Variants in CNTN5 observed in about 807,000 individuals in gnomAD.
The protein encoded by CNTN5 is contactin 5, also known as contactin-5.
A neutral mutation model predicts 129.1 loss-of-function variants in CNTN5; 77 were observed. That is an observed-to-expected ratio of 0.60 (90% CI 0.50 to 0.72). CNTN5 has a LOEUF of 0.72. Among genes scored for constraint, CNTN5 ranks in the 30% least tolerant of loss-of-function variants. The pLI is 0.00. For synonymous variants in CNTN5, 509 were observed against 465.6 expected (o/e 1.09, Z -1.20); for missense variants, 1,478 against 1,328.8 (o/e 1.11, Z -1.75).
chr11:99,435,440 C>A (rs989868809), intron 2 of CNTN5, among the ~76,000 whole-genome samples: 5 of 152,264 alleles, frequency 3.3e-5, no homozygotes, highest in South Asian at 2.1e-4. Context: ...GGGTTCTACA[C>A]ACTAGCAGTG....
At chr11:100,185,091 C>G (rs1948258340) in intron 13 of CNTN5, among the ~76,000 whole-genome samples, 1 of 152,152 alleles carries the variant, frequency 6.6e-6, no homozygotes, top group Non-Finnish European at 1.5e-5. Context: ...CCTCCCCATT[C>G]ATGAAGACTG....
intron 3 of CNTN5, among the ~76,000 whole-genome samples, chr11:99,649,555 C>G (rs1222501070): frequency 1.3e-5 from 2 of 151,626 alleles, no homozygotes; most frequent in African/African-American, 2.4e-5. Flanking sequence ...TTTTTGGTGA[C>G]CTGCAGAACT....
intron 3 of CNTN5, among the ~76,000 whole-genome samples, chr11:99,635,892 A>G (rs1392109029): frequency 1.3e-5 from 2 of 152,170 alleles, no homozygotes; most frequent in East Asian, 1.9e-4. Flanking sequence ...CAAGTGGTGC[A>G]CTAAACCAGT....
rs138198481 is a variant in CNTN5, at chr11:99,633,957, C to T, written c.55+77688C>T. Among the ~76,000 whole-genome samples the T allele has an allele frequency of 3.1e-3, 467 of 152,192 alleles. 1 individual carries two copies. Among genetic ancestry groups the T allele is most frequent in the African/African-American group, 0.011 (455 of 41,542 alleles). On this transcript the variant is annotated intron_variant, in intron 3 of 24. Transcript: ENST00000524871. The stretch of plus-strand genomic sequence containing the variant: ...GGCTGCAGATCAGGTCGAAGAGAAA[C>T]GTGAGGTCCAGATACAGCAAAAGTT...
intron 13 of CNTN5, among the ~76,000 whole-genome samples, chr11:100,159,200 T>C (rs1947356420): frequency 6.6e-6 from 1 of 151,514 alleles, no homozygotes; most frequent in South Asian, 2.1e-4. Context: ...AGATTTGTCT[T>C]GTGAAAAAAA....
At chr11:99,041,215 G>A (rs1230653998) in intron 1 of CNTN5, among the ~76,000 whole-genome samples, 1 of 151,962 alleles carries the variant, frequency 6.6e-6, no homozygotes, top group South Asian at 2.1e-4. Flanking sequence ...ATTTATTTGT[G>A]CAAACACTTT....
intron 13 of CNTN5, among the ~76,000 whole-genome samples, chr11:100,152,881 C>G (rs1947115674): frequency 6.6e-6 from 1 of 151,980 alleles, no homozygotes; most frequent in Non-Finnish European, 1.5e-5. Flanking sequence ...TGCCAACAAT[C>G]AGACAGAGCT....
chr11:99,874,966 T>A (rs953676416), intron 6 of CNTN5, among the ~76,000 whole-genome samples: 3 of 152,172 alleles, frequency 2.0e-5, no homozygotes, highest in African/African-American at 7.2e-5. Context: ...AAGTTAAAAT[T>A]CATCATTTCT....
intron 16 of CNTN5, among the ~76,000 whole-genome samples, chr11:100,234,182 T>G (rs1055879199): frequency 4.6e-5 from 7 of 152,062 alleles, no homozygotes; most frequent in Admixed American, 3.9e-4. Flanking sequence ...AGGGACACTT[T>G]TACACTGTTG....
At position 99,615,826 on chromosome 11, in the gene CNTN5, A is replaced by G. The variant is rs1950743830; in HGVS notation, c.55+59557A>G. Among the ~76,000 whole-genome samples the G allele has an allele frequency of 2.0e-5, 3 of 151,438 alleles. No individual in the cohort carries two copies. In the South Asian group the frequency reaches 6.3e-4, roughly 32 times the overall value. On this transcript the variant is annotated intron_variant, in intron 3 of 24. Transcript: ENST00000524871. ...GTCCAGGCTGGAGAGTAGTGGCATG[A>G]TCTCAGCTCACTGAAACCTCCACAT... is the stretch of plus-strand genomic sequence containing the variant.
At position 99,037,122 on chromosome 11, in the gene CNTN5, A is replaced by G. The variant is rs957993171; in HGVS notation, c.-210+15852A>G. ...AGATAATTTTATCTTCTTCAATCAC[A>G]TAAAATAATCCAGATAAATGAGCCT... is the stretch of plus-strand genomic sequence containing the variant. On this transcript the variant is annotated intron_variant, in intron 1 of 24. Coordinates refer to ENST00000524871, the MANE Select transcript of CNTN5 (RefSeq NM_014361.4). Among the ~76,000 whole-genome samples the G allele has an allele frequency of 3.9e-5, 6 of 152,364 alleles. No homozygotes were observed. In the Middle Eastern group the frequency reaches 0.014, roughly 345 times the overall value.
chr11:100,049,231 A>G (rs1199085672), intron 9 of CNTN5, among the ~76,000 whole-genome samples: 2 of 152,092 alleles, frequency 1.3e-5, no homozygotes. Flanking sequence ...AAATATAATA[A>G]TGTGTTAGAG....
intron 2 of CNTN5, among the ~76,000 whole-genome samples, chr11:99,424,015 C>T (rs1054108237): frequency 2.0e-4 from 30 of 152,104 alleles, no homozygotes; most frequent in African/African-American, 7.0e-4. Context: ...GTGTCTGAAA[C>T]TTTGGCAAAT....
chr11:100,222,536 C>G (rs548143338), intron 15 of CNTN5, among the ~76,000 whole-genome samples: 6 of 151,924 alleles, frequency 3.9e-5, no homozygotes, highest in Admixed American at 2.6e-4. Context: ...TTATTAATTA[C>G]AGGAATGTGA....
rs555524667 is a variant in CNTN5, at chr11:100,030,775, G to A, written c.980+28639G>A. Among the ~76,000 whole-genome samples the A allele has an allele frequency of 1.1e-4, 16 of 152,154 alleles. No individual in the cohort carries two copies. In the East Asian group the frequency reaches 2.9e-3, roughly 28 times the overall value. On this transcript the variant is annotated intron_variant, in intron 9 of 24. Coordinates refer to ENST00000524871, the MANE Select transcript of CNTN5 (RefSeq NM_014361.4). ...ACAAAAGATAAAGCATACTTCTTAG[G>A]CTTCTGTGAAAATTAAATGATATAT...
intron 1 of CNTN5, among the ~76,000 whole-genome samples, chr11:99,252,584 C>A (rs1862167959): frequency 6.6e-6 from 1 of 151,560 alleles, no homozygotes; most frequent in Non-Finnish European, 1.5e-5. Context: ...TCCCCCTAGA[C>A]CTATCATCTC....
intron 13 of CNTN5, among the ~76,000 whole-genome samples, chr11:100,129,484 G>T (rs1946305612): frequency 1.3e-5 from 2 of 152,108 alleles, no homozygotes; most frequent in African/African-American, 4.8e-5. Context: ...CGAAGAAAGA[G>T]ATTGCAATCA....
rs529853895 is a variant in CNTN5 at position 99,704,153 on chromosome 11, A to C, written c.56-115391A>C. ...TTTCTGGCCCCCAGTGACTGACCCC[A>C]TTCATAACTCTGAGTTCTATACTGT... On this transcript the variant is annotated intron_variant, in intron 3 of 24. Coordinates refer to ENST00000524871, the MANE Select transcript of CNTN5 (RefSeq NM_014361.4). Among the ~76,000 whole-genome samples the C allele has an allele frequency of 2.2e-4, 33 of 150,854 alleles. No homozygotes were observed. The South Asian group carries it at 6.8e-3, about 31-fold the overall frequency.
intron 1 of CNTN5, among the ~76,000 whole-genome samples, chr11:99,031,865 A>G (rs1408020628): frequency 6.7e-6 from 1 of 149,530 alleles, no homozygotes; most frequent in Non-Finnish European, 1.5e-5. Flanking sequence ...CGCTGCACCC[A>G]TTAACTCGTC....
Sources: gnomAD v4.1 joint callset for allele counts (sites outside exome capture counted in the v4.1 genomes callset) on GRCh38, gnomAD v4.1.1 for gene constraint, MANE v1.5 for transcripts, NCBI Gene and HGNC (gene_info 2026-07-23, HGNC 2026-07-21) for gene names.